FBXO40: variants seen among roughly 807,000 people sequenced by gnomAD.
FBXO40 encodes the protein F-box protein 40.
A neutral mutation model predicts 49.9 loss-of-function variants in FBXO40; 50 were observed. That is an observed-to-expected ratio of 1.00 (90% confidence interval 0.80 to 1.27). The LOEUF (loss-of-function observed/expected upper bound fraction) is 1.27. Ranked by LOEUF, FBXO40 falls within the 50% of genes most tolerant of loss-of-function variation. The pLI is 0.00. For missense variants in FBXO40, 895 were observed against 870.1 expected (o/e 1.03, Z -0.36); for synonymous variants, 340 against 320.2 (o/e 1.06, Z -0.66).
At chr3:121,616,717 T>C (rs2048999730) in intron 1 of FBXO40, among the ~76,000 whole-genome samples, 1 of 152,166 alleles carries the variant, frequency 6.6e-6, no homozygotes, top group African/African-American at 2.4e-5. Context: ...GTTGAGTGGG[T>C]GAATGAGTGG....
intron 1 of FBXO40, among the ~76,000 whole-genome samples, chr3:121,613,440 C>T (rs574937269): frequency 6.6e-6 from 1 of 152,294 alleles, no homozygotes; most frequent in African/African-American, 2.4e-5. Context: ...CAAGCTGTAA[C>T]TTGGGATCCC....
chr3:121,619,370 T>C (rs182605628), intron 1 of FBXO40, among the ~76,000 whole-genome samples: 79 of 152,222 alleles, frequency 5.2e-4, no homozygotes, highest in Middle Eastern at 3.4e-3. Context: ...CATCACAGAC[T>C]AACACTGTGC....
At chr3:121,599,021 C>G (rs1286886729) in intron 1 of FBXO40, among the ~76,000 whole-genome samples, 3 of 139,398 alleles carry the variant, frequency 2.2e-5, no homozygotes, top group Non-Finnish European at 4.8e-5. Context: ...CTATTTAAAT[C>G]TAAACTATAT....
chr3:121,601,400 T>G (rs1218716406), intron 1 of FBXO40, among the ~76,000 whole-genome samples: 1 of 142,236 alleles, frequency 7.0e-6, no homozygotes, highest in African/African-American at 2.6e-5. Context: ...GAGCTTTAAA[T>G]AGCAACATGA....
chr3:121,611,600 G>A (rs1416345842), intron 1 of FBXO40, among the ~76,000 whole-genome samples: 1 of 152,006 alleles, frequency 6.6e-6, no homozygotes. Context: ...AGTTCCCAGG[G>A]GCAGGCAGGA....
chr3:121,604,203 T>C (rs2048918900), intron 1 of FBXO40, among the ~76,000 whole-genome samples: 1 of 152,196 alleles, frequency 6.6e-6, no homozygotes, highest in African/African-American at 2.4e-5. Context: ...GGACCTGTCA[T>C]GTTGGGAGGG....
rs758423510 is a variant in FBXO40, at chr3:121,621,731, G to A, written c.302G>A (p.Arg101His). Residue 101 changes from arginine (R) to histidine (H), a missense_variant, in exon 3 of 4, where the codon CGC becomes CAC. Transcript: ENST00000338040. ...SVVCCSMEWN[R>H]WPNVDSETTL... ...GTCTGCTGCTCCATGGAGTGGAACC[G>A]CTGGCCAAATGTGGACTCTGAAACC... 6.0e-5 allele frequency: 97 copies of A among 1,614,112 alleles called. No individual in the cohort carries two copies. Among genetic ancestry groups the A allele is most frequent in the Admixed American group, 1.2e-4 (7 of 60,010 alleles).
At position 121,623,159 on chromosome 3, in the gene FBXO40, C is replaced by A; in HGVS notation, c.1730C>A (p.Pro577His). Residue 577 changes from proline to histidine, a missense_variant, in exon 3 of 4, where the codon CCC (proline) becomes CAC (histidine). By Grantham distance (77) the Pro-to-His change is moderately conservative (BLOSUM62 -2). Coordinates refer to ENST00000338040, the MANE Select transcript of FBXO40 (RefSeq NM_016298.4). ...GKSQNSLTSL[P>H]LEILKYIAGF... ...AGCCAGAATTCTTTAACCAGCCTGC[C>A]CCTGGAGATTTTGAAGTACATTGCT... 1 of 1,614,144 alleles carries A rather than the reference C, an allele frequency of 6.2e-7. No individual in the cohort carries two copies.
At chr3:121,619,629 C>A (rs1344851684) in intron 1 of FBXO40, among the ~76,000 whole-genome samples, 2 of 152,166 alleles carry the variant, frequency 1.3e-5, no homozygotes, top group Non-Finnish European at 2.9e-5. Flanking sequence ...GTGAAACAAG[C>A]ACTGTTCTAA....
intron 1 of FBXO40, among the ~76,000 whole-genome samples, chr3:121,612,665 T>C (rs1157186079): frequency 6.6e-6 from 1 of 152,078 alleles, no homozygotes; most frequent in Non-Finnish European, 1.5e-5. Context: ...ACACTTAGTT[T>C]CCCTTCTACA....
At chr3:121,607,589 G>C (rs1433437687) in intron 1 of FBXO40, among the ~76,000 whole-genome samples, 1 of 152,132 alleles carries the variant, frequency 6.6e-6, no homozygotes, top group Admixed American at 6.5e-5. Context: ...GATTACAGGC[G>C]TGAGCCACCG....
intron 3 of FBXO40, among the ~76,000 whole-genome samples, chr3:121,625,456 T>C (rs1451803798): frequency 6.6e-6 from 1 of 152,226 alleles, no homozygotes; most frequent in Non-Finnish European, 1.5e-5. Context: ...TGAGCAGTCT[T>C]CCTCAAAAAG....
chr3:121,598,381 G>C (rs2048883800), intron 1 of FBXO40, among the ~76,000 whole-genome samples: 1 of 152,192 alleles, frequency 6.6e-6, no homozygotes. Flanking sequence ...TGTAAATTGT[G>C]AAAAATTACG....
intron 1 of FBXO40, among the ~76,000 whole-genome samples, chr3:121,607,719 T>G (rs1270027920): frequency 6.6e-6 from 1 of 152,110 alleles, no homozygotes; most frequent in Admixed American, 6.5e-5. Context: ...GGCATTTAAA[T>G]AAAGTCTAGT....
At chr3:121,601,408 TG>T (rs2048900646) in intron 1 of FBXO40, among the ~76,000 whole-genome samples, 1 of 131,540 alleles carries the variant, frequency 7.6e-6, no homozygotes, top group African/African-American at 2.9e-5. Context: ...AATAGCAACA[TG>T]AAAAAAAAAA....
chr3:121,605,737 A>G (rs1327593880), intron 1 of FBXO40, among the ~76,000 whole-genome samples: 4 of 152,200 alleles, frequency 2.6e-5, no homozygotes, highest in African/African-American at 9.6e-5. Flanking sequence ...AATTGCTAAA[A>G]TTGTTATTAA....
At chr3:121,599,560 T>C (rs1432001530) in intron 1 of FBXO40, among the ~76,000 whole-genome samples, 1 of 150,966 alleles carries the variant, frequency 6.6e-6, no homozygotes, top group Non-Finnish European at 1.5e-5. Flanking sequence ...GCATAGATTT[T>C]TGTCAACCTT....
intron 2 of FBXO40, among the ~76,000 whole-genome samples, chr3:121,621,046 T>C (rs889374796): frequency 4.6e-5 from 7 of 152,134 alleles, no homozygotes; most frequent in Admixed American, 3.3e-4. Context: ...GAATAACTAA[T>C]AAAACAATCT....
intron 1 of FBXO40, among the ~76,000 whole-genome samples, chr3:121,602,997 T>C (rs1165495275): frequency 6.6e-6 from 1 of 152,196 alleles, no homozygotes. Flanking sequence ...ATTTGGAGAC[T>C]GGAAAAGCCA....
Sources: gnomAD v4.1 joint callset for allele counts (sites outside exome capture counted in the v4.1 genomes callset) on GRCh38, gnomAD v4.1.1 for gene constraint, MANE v1.5 for transcripts, NCBI Gene and HGNC (gene_info 2026-07-23, HGNC 2026-07-21) for gene names.